The following SAMMSON variants were observed in gnomAD, a reference collection of about 807,000 sequenced individuals.
SAMMSON encodes the protein long intergenic non-protein coding RNA 1212.
At chr3:70,115,755 T>G (rs1314958387) in intron 4 of SAMMSON, among the ~76,000 whole-genome samples, 1 of 152,144 alleles carries the variant, frequency 6.6e-6, no homozygotes, top group Non-Finnish European at 1.5e-5. Context: ...AGTTTCTCAT[T>G]GAAATGAATA....
intron 4 of SAMMSON, among the ~76,000 whole-genome samples, chr3:70,199,088 G>C (rs1701209495): frequency 1.3e-5 from 2 of 152,164 alleles, no homozygotes; most frequent in African/African-American, 4.8e-5. Context: ...GAATGCTCAA[G>C]AGACTTACTC....
chr3:70,300,783 T>C (rs1702339288), intron 7 of SAMMSON, among the ~76,000 whole-genome samples: 1 of 152,020 alleles, frequency 6.6e-6, no homozygotes, highest in Non-Finnish European at 1.5e-5. Flanking sequence ...CAGTGGCCAG[T>C]GAGTTGCTTT....
At chr3:70,150,707 G>T (rs1237786075) in intron 4 of SAMMSON, among the ~76,000 whole-genome samples, 2 of 152,068 alleles carry the variant, frequency 1.3e-5, no homozygotes, top group African/African-American at 4.8e-5. Context: ...TTACATGAGT[G>T]ACAATAAACT....
chr3:70,224,300 G>A (rs1303362093), intron 4 of SAMMSON, among the ~76,000 whole-genome samples: 1 of 152,154 alleles, frequency 6.6e-6, no homozygotes, highest in Admixed American at 6.6e-5. Context: ...ACACTGCAAT[G>A]GTGGATAAAT....
chr3:70,063,852 G>T (rs981581412), intron 3 of SAMMSON, among the ~76,000 whole-genome samples: 1 of 152,040 alleles, frequency 6.6e-6, no homozygotes, highest in Admixed American at 6.6e-5. Context: ...TTTGTAAAGG[G>T]CTTAGCACAG....
rs776343489 is a variant in SAMMSON, at chr3:70,228,009, A to G, written n.508-21098A>G. 8.6e-5 allele frequency among the ~76,000 whole-genome samples: 13 copies of G among 151,426 alleles called. No individual in the cohort carries two copies. The South Asian group carries it at 2.3e-3, about 27-fold the overall frequency. ...TAAATAATATTGATAATATAGTAGT[A>G]TAATAGTAATATAATAAGCAATATA... On this transcript the variant is annotated intron_variant and non_coding_transcript_variant, in intron 4 of 9. Transcript: ENST00000642114.
Position 70,364,443 on chromosome 3 carries a change from A to T in SAMMSON, n.913+6119A>T, listed in dbSNP as rs147915827. 6.8e-3 allele frequency among the ~76,000 whole-genome samples: 1,031 copies of T among 152,052 alleles called. 5 individuals carry two copies. The highest frequency in any genetic ancestry group is 0.023 in the African/African-American group (975 of 41,554). On this transcript the variant is annotated intron_variant and non_coding_transcript_variant, in intron 9 of 9. Transcript: ENST00000642114. The stretch of plus-strand genomic sequence containing the variant: ...TCTTTTGTTTTGTTTTGTGGTTAAA[A>T]GTGTCAATGTGAAGAAATTCAAGGC...
chr3:70,263,154 C>T (rs1701884336), intron 6 of SAMMSON, among the ~76,000 whole-genome samples: 1 of 152,052 alleles, frequency 6.6e-6, no homozygotes, highest in Admixed American at 6.6e-5. Flanking sequence ...CTATATTTGT[C>T]ATTAATGGTT....
intron 2 of SAMMSON, among the ~76,000 whole-genome samples, chr3:70,422,122 A>G (rs1701317802): frequency 6.6e-6 from 1 of 152,072 alleles, no homozygotes. Flanking sequence ...AGAATGGTAA[A>G]AAAAAAATCA....
intron 7 of SAMMSON, among the ~76,000 whole-genome samples, chr3:70,352,885 A>T (rs78722176): frequency 3.3e-4 from 51 of 152,280 alleles, no homozygotes; most frequent in African/African-American, 1.2e-3. Flanking sequence ...TGAGGAATAC[A>T]TAGATTAATG....
At chr3:70,113,279 T>C (rs2067396986) in intron 4 of SAMMSON, among the ~76,000 whole-genome samples, 1 of 152,236 alleles carries the variant, frequency 6.6e-6, no homozygotes, top group African/African-American at 2.4e-5. Flanking sequence ...TCTTTCTCTC[T>C]TACTTTCCCC....
intron 7 of SAMMSON, among the ~76,000 whole-genome samples, chr3:70,350,942 A>G (rs1702790415): frequency 6.6e-6 from 1 of 152,192 alleles, no homozygotes; most frequent in South Asian, 2.1e-4. Context: ...GGAATAGTCA[A>G]GATAACTCCT....
chr3:70,169,451 T>G (rs538351890), intron 4 of SAMMSON, among the ~76,000 whole-genome samples: 1 of 152,074 alleles, frequency 6.6e-6, no homozygotes, highest in East Asian at 1.9e-4. Flanking sequence ...TGATATTTCC[T>G]TAACATCTCC....
At chr3:70,313,327 A>G (rs1361945349) in intron 7 of SAMMSON, among the ~76,000 whole-genome samples, 1 of 151,950 alleles carries the variant, frequency 6.6e-6, no homozygotes, top group Non-Finnish European at 1.5e-5. Flanking sequence ...TTTTTTTTTA[A>G]AAGTTAGCTG....
intron 4 of SAMMSON, among the ~76,000 whole-genome samples, chr3:70,240,272 A>G (rs1317226138): frequency 2.6e-5 from 4 of 151,910 alleles, no homozygotes; most frequent in African/African-American, 7.3e-5. Flanking sequence ...AGCTTTTCCT[A>G]TATTATCTCA....
chr3:70,125,012 A>G (rs1166410402), intron 4 of SAMMSON: 2 of 683,546 alleles, frequency 2.9e-6, no homozygotes, highest in Non-Finnish European at 5.3e-6. Flanking sequence ...CTTCCTGTCC[A>G]AGTTGGAAAG....
chr3:70,102,648 A>G (rs1277358350), intron 4 of SAMMSON, among the ~76,000 whole-genome samples: 1 of 152,150 alleles, frequency 6.6e-6, no homozygotes, highest in Non-Finnish European at 1.5e-5. Flanking sequence ...TTCATCACTG[A>G]TCTTGTACGA....
intron 2 of SAMMSON, among the ~76,000 whole-genome samples, chr3:70,424,607 C>T (rs966850428): frequency 5.3e-5 from 8 of 151,836 alleles, no homozygotes; most frequent in Non-Finnish European, 2.9e-5. Context: ...AAATAAAATA[C>T]GGCTTTTATT....
At chr3:70,361,994 T>C (rs890630123) in intron 9 of SAMMSON, among the ~76,000 whole-genome samples, 2 of 152,154 alleles carry the variant, frequency 1.3e-5, no homozygotes, top group African/African-American at 4.8e-5. Context: ...GTACCTATTA[T>C]GCTTGGATTT....
Sources: gnomAD v4.1 joint callset for allele counts (sites outside exome capture counted in the v4.1 genomes callset) on GRCh38, gnomAD v4.1.1 for gene constraint, MANE v1.5 for transcripts, NCBI Gene and HGNC (gene_info 2026-07-23, HGNC 2026-07-21) for gene names.